The following TLCD4 variants were observed in gnomAD, a reference collection of about 807,000 sequenced individuals.
TLCD4 encodes the protein TLC domain-containing protein 4.
TLCD4 carries 7 observed loss-of-function variants against 24.2 expected under a neutral mutation model. The ratio of observed to expected loss-of-function variants is 0.29; its 90% CI spans 0.16 to 0.54. The LOEUF is 0.54. TLCD4 is among the 20% of genes least tolerant of loss of function. The pLI, the probability that TLCD4 is intolerant of heterozygous loss-of-function variation, is 0.95. For missense variants in TLCD4, 259 were observed against 313.9 expected, an observed-to-expected ratio of 0.82 and a Z score of 1.32; for synonymous variants, 103 against 106.4, an observed-to-expected ratio of 0.97 and a Z score of 0.20.
chr1:95,170,949 T>C (rs1678193325), intron 5 of TLCD4, among the ~76,000 whole-genome samples: 1 of 152,122 alleles, frequency 6.6e-6, no homozygotes, highest in Admixed American at 6.5e-5. Context: ...ACAAAATACC[T>C]AAGGAGTTTG....
At chr1:95,163,138 C>G (rs1282720879) in intron 5 of TLCD4, 1 of 152,212 alleles carries the variant, frequency 6.6e-6, no homozygotes, top group Non-Finnish European at 1.5e-5. Flanking sequence ...TTCAGGTATA[C>G]CAGTCAAACG....
At chr1:95,121,218 G>A (rs1279619390) in intron 1 of TLCD4, 9 of 152,182 alleles carry the variant, frequency 5.9e-5, no homozygotes, top group South Asian at 2.1e-4. Flanking sequence ...TAAGATTTTC[G>A]TCTGTACGCT....
intron 1 of TLCD4, among the ~76,000 whole-genome samples, chr1:95,123,114 C>T (rs1323691958): frequency 1.3e-5 from 2 of 152,112 alleles, no homozygotes; most frequent in Admixed American, 1.3e-4. Flanking sequence ...TAACCCGGGA[C>T]ATGATTCTTA....
At chr1:95,142,983 A>C in intron 1 of TLCD4, among the ~76,000 whole-genome samples, 1 of 92,888 alleles carries the variant, frequency 1.1e-5, no homozygotes, top group Admixed American at 1.2e-4. Flanking sequence ...GGCGGAGGGG[A>C]GGGGAAGTTA....
intron 1 of TLCD4, among the ~76,000 whole-genome samples, chr1:95,138,025 C>A (rs559105546): frequency 6.6e-6 from 1 of 152,046 alleles, no homozygotes; most frequent in Admixed American, 6.6e-5. Context: ...GGCATGAGCC[C>A]GACTGAGAAC....
chr1:95,175,012 T>G (rs59828565), intron 6 of TLCD4, among the ~76,000 whole-genome samples: 150,051 of 152,252 alleles, frequency 0.99, 73,976 homozygotes, highest in East Asian at 1. Context: ...CTGACCTCAA[T>G]TGATCCACCC....
intron 3 of TLCD4, among the ~76,000 whole-genome samples, chr1:95,149,475 T>TG (rs1677433364): frequency 6.6e-6 from 1 of 152,116 alleles, no homozygotes; most frequent in Admixed American, 6.6e-5. Flanking sequence ...GTAGGGCAAT[T>TG]TAGCCTTTTC....
chr1:95,156,470 G>T (rs1677637976), intron 5 of TLCD4, among the ~76,000 whole-genome samples: 1 of 151,904 alleles, frequency 6.6e-6, no homozygotes, highest in Non-Finnish European at 1.5e-5. Flanking sequence ...CTGCATTTTT[G>T]CTTTTCACGG....
chr1:95,156,211 A>G (rs1677632040), intron 5 of TLCD4, among the ~76,000 whole-genome samples: 1 of 152,136 alleles, frequency 6.6e-6, no homozygotes, highest in African/African-American at 2.4e-5. Flanking sequence ...AGCTTTTGAG[A>G]TAGATGGGAT....
intron 5 of TLCD4, chr1:95,163,192 C>T (rs12403587): frequency 0.44 from 67,465 of 151,998 alleles, 16,437 homozygotes; most frequent in Middle Eastern, 0.58. Context: ...TCAGAGGCTT[C>T]GTTCATTTCT....
chr1:95,131,375 G>T (rs1676885169), intron 1 of TLCD4, among the ~76,000 whole-genome samples: 1 of 152,202 alleles, frequency 6.6e-6, no homozygotes, highest in African/African-American at 2.4e-5. Flanking sequence ...AGGGAACATG[G>T]CATCTTTAAG....
At chr1:95,141,943 A>T (rs1479077817) in intron 1 of TLCD4, among the ~76,000 whole-genome samples, 1 of 152,122 alleles carries the variant, frequency 6.6e-6, no homozygotes, top group African/African-American at 2.4e-5. Context: ...AAGTGGGGTT[A>T]TTGCTAGTGC....
chr1:95,135,605 C>T (rs1043195108), intron 1 of TLCD4, among the ~76,000 whole-genome samples: 2 of 151,890 alleles, frequency 1.3e-5, no homozygotes, highest in Non-Finnish European at 2.9e-5. Flanking sequence ...ACCATGTTGG[C>T]TAGGTTGGTC....
At chr1:95,109,561 T>C in the TLCD4 span, among the ~76,000 whole-genome samples, 1 of 151,470 alleles carries the variant, frequency 6.6e-6, no homozygotes, top group African/African-American at 2.4e-5. Flanking sequence ...GATCTCTGCT[T>C]ACTGCAACCT....
At chr1:95,174,507 CAAAA>C (rs141819142) in intron 6 of TLCD4, among the ~76,000 whole-genome samples, 2 of 85,860 alleles carry the variant, frequency 2.3e-5, no homozygotes, top group South Asian at 3.6e-4. Context: ...CCCATCCCTA[CAAAA>C]AAAAAAAAAA....
At position 95,191,723 on chromosome 1, in the gene TLCD4, A is replaced by G; in HGVS notation, c.647A>G (p.Gln216Arg). The change falls in exon 7 of 7, where the codon CAG becomes CGG. Residue 216 changes from glutamine to arginine, a missense_variant. Physicochemically the swap from Gln to Arg is conservative, Grantham distance 43. Transcript: ENST00000370203. ...EPYIRLGVLI[Q>R]LSWVISCVVL... The stretch of plus-strand genomic sequence containing the variant: ...TACATAAGGCTTGGAGTTTTAATCC[A>G]GTTATCCTGGGTCATTAGTTGTGTT... The G allele has an allele frequency of 6.2e-7, 1 of 1,614,178 alleles. No homozygotes were observed. The highest frequency in any genetic ancestry group is 2.2e-5 in the East Asian group (1 of 44,864).
the TLCD4 span, among the ~76,000 whole-genome samples, chr1:95,105,324 C>T: frequency 6.6e-6 from 1 of 151,992 alleles, no homozygotes; most frequent in Non-Finnish European, 1.5e-5. Context: ...AAATAAATTC[C>T]CTGAAATATC....
the TLCD4 span, among the ~76,000 whole-genome samples, chr1:95,111,128 T>C: frequency 9.8e-6 from 1 of 102,016 alleles, no homozygotes; most frequent in South Asian, 3.2e-4. Context: ...TATCTCCACA[T>C]AAAATAAAAA....
the TLCD4 span, among the ~76,000 whole-genome samples, chr1:95,102,244 GA>G: frequency 6.6e-6 from 1 of 152,194 alleles, no homozygotes; most frequent in Admixed American, 6.5e-5. Flanking sequence ...AATGGGAGAA[GA>G]TGGAAAGGAA....
Sources: gnomAD v4.1 joint callset for allele counts (sites outside exome capture counted in the v4.1 genomes callset) on GRCh38, gnomAD v4.1.1 for gene constraint, MANE v1.5 for transcripts, NCBI Gene and HGNC (gene_info 2026-07-23, HGNC 2026-07-21) for gene names.